GSG1L: variants seen among roughly 807,000 people sequenced by gnomAD.
GSG1L encodes germ cell-specific gene 1-like protein.
In GSG1L, 24 loss-of-function variants were observed where a neutral mutation model predicts 42.1. That is an observed-to-expected ratio of 0.57 (90% CI 0.41 to 0.80). The LOEUF is 0.80. Ranked by LOEUF, GSG1L falls within the 30% of genes least tolerant of loss-of-function variation. GSG1L has a pLI of 0.00. For missense variants in GSG1L, 445 were observed against 472.2 expected (o/e 0.94, Z 0.53); for synonymous variants, 215 against 203.5 (o/e 1.06, Z -0.48).
At chr16:27,986,158 G>C (rs2085378709) in intron 1 of GSG1L, among the ~76,000 whole-genome samples, 1 of 152,150 alleles carries the variant, frequency 6.6e-6, no homozygotes, top group Non-Finnish European at 1.5e-5. Context: ...TACAACGAGA[G>C]TTATTGCCGC....
chr16:27,929,358 A>G (rs1025043397), intron 2 of GSG1L, among the ~76,000 whole-genome samples: 3 of 152,186 alleles, frequency 2.0e-5, no homozygotes, highest in Non-Finnish European at 2.9e-5. Flanking sequence ...TTGGCCAATC[A>G]GAGTTCTGAA....
At chr16:27,995,543 A>G (rs187717295) in intron 1 of GSG1L, among the ~76,000 whole-genome samples, 1 of 152,298 alleles carries the variant, frequency 6.6e-6, no homozygotes, top group Admixed American at 6.5e-5. Flanking sequence ...ACCTAATATC[A>G]GAAAGATCTT....
chr16:27,883,118 C>CAA (rs1282858322), intron 3 of GSG1L, among the ~76,000 whole-genome samples: 3 of 70,206 alleles, frequency 4.3e-5, no homozygotes, highest in Non-Finnish European at 6.4e-5. Context: ...GACCCAATCT[C>CAA]AAAAAAAAAA....
Position 27,834,220 on chromosome 16 carries a change from G to A in GSG1L, c.663-5264C>T, listed in dbSNP as rs187402125. On this transcript the variant is annotated intron_variant, in intron 4 of 6. Transcript: ENST00000447459. ...GGTCATGTGATTTTTTTATTCTTTAGCCTGTTAATATGGTGAATGACACTG... is the reference window on the plus strand; with the variant it reads ...GGTCATGTGATTTTTTTATTCTTTAACCTGTTAATATGGTGAATGACACTG... 6.3e-3 allele frequency among the ~76,000 whole-genome samples: 951 copies of A among 152,034 alleles called. 6 individuals are homozygous for A. Among genetic ancestry groups the A allele is most frequent in the Non-Finnish European group, 0.011 (725 of 67,948 alleles).
intron 3 of GSG1L, among the ~76,000 whole-genome samples, chr16:27,857,294 G>C (rs2083591020): frequency 6.6e-6 from 1 of 151,734 alleles, no homozygotes; most frequent in African/African-American, 2.4e-5. Context: ...TGAGAGTGGT[G>C]GTGGGCACCT....
intron 2 of GSG1L, among the ~76,000 whole-genome samples, chr16:27,951,727 G>C (rs1463926157): frequency 6.6e-6 from 1 of 152,154 alleles, no homozygotes; most frequent in African/African-American, 2.4e-5. Context: ...TCCCCTCTCT[G>C]CTCAGCATGC....
At chr16:27,922,015 T>G (rs1596615414) in intron 2 of GSG1L, among the ~76,000 whole-genome samples, 1 of 137,322 alleles carries the variant, frequency 7.3e-6, no homozygotes, top group African/African-American at 2.7e-5. Context: ...TTTTTTTTTT[T>G]GGCTTCCTGA....
At chr16:27,924,408 A>T (rs1245639749) in intron 2 of GSG1L, among the ~76,000 whole-genome samples, 1 of 152,220 alleles carries the variant, frequency 6.6e-6, no homozygotes, top group Non-Finnish European at 1.5e-5. Flanking sequence ...ATTATTTTCT[A>T]AAAAGTATTT....
At chr16:27,848,467 C>CATTT (rs1281673627) in intron 3 of GSG1L, among the ~76,000 whole-genome samples, 1 of 152,156 alleles carries the variant, frequency 6.6e-6, no homozygotes, top group African/African-American at 2.4e-5. Context: ...ACCATTCATT[C>CATTT]ATTTATCATG....
chr16:27,956,248 G>A (rs1469010531), intron 2 of GSG1L, among the ~76,000 whole-genome samples: 2 of 152,154 alleles, frequency 1.3e-5, no homozygotes, highest in Non-Finnish European at 2.9e-5. Context: ...AGAAGAGGAA[G>A]CAATAATAGA....
intron 1 of GSG1L, among the ~76,000 whole-genome samples, chr16:27,976,684 A>C (rs1198547291): frequency 2.6e-5 from 4 of 152,176 alleles, no homozygotes; most frequent in Non-Finnish European, 5.9e-5. Flanking sequence ...TAAGATCGGG[A>C]GGTCACCTTA....
chr16:27,834,039 T>C (rs2083297987), intron 4 of GSG1L, among the ~76,000 whole-genome samples: 1 of 152,202 alleles, frequency 6.6e-6, no homozygotes, highest in African/African-American at 2.4e-5. Context: ...GAAAACAGTC[T>C]TTCAACATTA....
chr16:27,790,189 T>G lies in GSG1L; in HGVS notation c.*1181A>C, dbSNP rs2082736530. The G allele has an allele frequency of 6.6e-6, 1 of 151,572 alleles. No individual in the cohort carries two copies. The highest frequency in any genetic ancestry group is 2.1e-4 in the South Asian group (1 of 4,776). 9.4% of individuals were successfully genotyped at this position (151,572 alleles called of 1,614,324 possible). A position where few individuals can be genotyped will look rare whatever the true frequency, so the allele number is the denominator to read the frequency against. ...TGATGGATGGATAATAGATGATGAA[T>G]GGGTGGATAATAGATGGACGAATGA... On this transcript the variant is annotated 3_prime_UTR_variant, in exon 7 of 7. Coordinates refer to ENST00000447459, the MANE Select transcript of GSG1L (RefSeq NM_001109763.2).
chr16:27,824,754 G>A (rs2083189839), intron 5 of GSG1L, among the ~76,000 whole-genome samples: 1 of 152,198 alleles, frequency 6.6e-6, no homozygotes, highest in Non-Finnish European at 1.5e-5. Flanking sequence ...CCAGCAAACA[G>A]CAGCTTCTTG....
At chr16:27,842,981 C>T (rs891608454) in intron 4 of GSG1L, among the ~76,000 whole-genome samples, 1 of 152,166 alleles carries the variant, frequency 6.6e-6, no homozygotes, top group Non-Finnish European at 1.5e-5. Flanking sequence ...CCTGCAGCTG[C>T]CTGTGAACTC....
chr16:27,932,838 G>T (rs1025314990), intron 2 of GSG1L, among the ~76,000 whole-genome samples: 1 of 152,010 alleles, frequency 6.6e-6, no homozygotes, highest in African/African-American at 2.4e-5. Context: ...TTCCACCGCT[G>T]CCATAAGAAT....
At position 27,791,219 on chromosome 16, in the gene GSG1L, C is replaced by T. The variant is rs182447698; in HGVS notation, c.*151G>A. The stretch of plus-strand genomic sequence containing the variant: ...TTCCAAGGCCATGGGACCCAGGCAG[C>T]GATGGGCAGGACAGGCCTGGCATCT... On this transcript the variant is annotated 3_prime_UTR_variant, in exon 7 of 7. Transcript: ENST00000447459. 1.5e-4 allele frequency: 66 copies of T among 440,996 alleles called. No individual in the cohort carries two copies. Among genetic ancestry groups the T allele is most frequent in the African/African-American group, 1.0e-3 (51 of 49,444 alleles). The allele number at this position is 440,996 out of a possible 1,614,324, so 27.3% of individuals were successfully genotyped here. A position where few individuals can be genotyped will look rare whatever the true frequency, so the allele number is the denominator to read the frequency against.
chr16:27,966,340 C>CA (rs1457257491), intron 1 of GSG1L, among the ~76,000 whole-genome samples: 2 of 152,004 alleles, frequency 1.3e-5, no homozygotes, highest in South Asian at 2.1e-4. Flanking sequence ...CCCATTTCTA[C>CA]AAAAAAATTT....
intron 1 of GSG1L, among the ~76,000 whole-genome samples, chr16:28,013,749 C>T (rs1476507): frequency 0.49 from 74,245 of 152,164 alleles, 20,118 homozygotes; most frequent in Non-Finnish European, 0.61. Context: ...CAAACACTAG[C>T]GATTGTACAC....
Sources: allele counts gnomAD v4.1 joint callset (sites outside exome capture counted in the v4.1 genomes callset), GRCh38; gene constraint gnomAD v4.1.1; transcripts MANE v1.5; gene names NCBI Gene and HGNC (gene_info 2026-07-23, HGNC 2026-07-21).